RNF130: variants seen among roughly 807,000 people sequenced by gnomAD.
The protein encoded by RNF130 is E3 ubiquitin-protein ligase RNF130.
In RNF130, 21 loss-of-function variants were observed where a neutral mutation model predicts 44.6. That is an observed-to-expected ratio of 0.47 (90% CI 0.33 to 0.68). The LOEUF is 0.68. Ranked by LOEUF, RNF130 falls within the 30% of genes least tolerant of loss-of-function variation. The probability of loss-of-function intolerance (pLI) is 0.02; values close to 1 mark genes in which losing one functional copy is unlikely to be tolerated. For synonymous variants in RNF130, 214 were observed against 210.4 expected (o/e 1.02, Z -0.15); for missense variants, 479 against 560.6 (o/e 0.85, Z 1.47).
At chr5:180,011,322 A>G (rs185957294) in intron 3 of RNF130, among the ~76,000 whole-genome samples, 1 of 152,366 alleles carries the variant, frequency 6.6e-6, no homozygotes, top group South Asian at 2.1e-4. Flanking sequence ...TCAATCAGAT[A>G]ATGTATTATA....
At chr5:180,007,877 C>T (rs921670614) in intron 3 of RNF130, among the ~76,000 whole-genome samples, 4 of 152,302 alleles carry the variant, frequency 2.6e-5, no homozygotes, top group African/African-American at 9.6e-5. Context: ...GTGAGCTACA[C>T]CCAGTCCACT....
In RNF130 at chr5:179,966,862, A is replaced by G. The variant is rs755770509; in HGVS notation, c.1094T>C (p.Leu365Pro). Residue 365 changes from leucine (L) to proline (P), a missense_variant, in exon 7 of 9, where the codon CTT becomes CCT. Around this residue, in one of 3 missense-constraint regions of RNF130, gnomAD observed 161 missense variants for 158.6 expected, o/e 1.02. Transcript: ENST00000521389. ...CGGAGTGAGCTCCCCATCCTGAGGA[A>G]GAGGTGAGATCCCCGAAGTTCGAAG... ...EPLRTSGISP[L>P]PQDGELTPRT... 2 of 1,614,196 alleles carry G rather than the reference A, an allele frequency of 1.2e-6. No homozygotes were observed. The highest frequency in any genetic ancestry group is 1.7e-5 in the Admixed American group (1 of 60,022).
chr5:179,970,833 T>C (rs1762563946), intron 5 of RNF130, among the ~76,000 whole-genome samples: 1 of 152,236 alleles, frequency 6.6e-6, no homozygotes, highest in African/African-American at 2.4e-5. Context: ...AAACCAGTTA[T>C]GCTTTCTACA....
In RNF130 at chr5:180,038,496, A is replaced by C. The variant is rs143268449; in HGVS notation, c.442+1957T>G. Among the ~76,000 whole-genome samples the C allele has an allele frequency of 6.6e-5, 10 of 151,960 alleles. No individual in the cohort carries two copies. In the South Asian group the frequency reaches 1.2e-3, roughly 19 times the overall value. On this transcript the variant is annotated intron_variant, in intron 2 of 8. Transcript: ENST00000521389. ...AGGTGTGAGCCACTGCGACCAGCCA[A>C]AACAGGTTCTTTAAGACTTCTCAGA... is the stretch of plus-strand genomic sequence containing the variant.
Position 180,004,533 on chromosome 5 carries a change from T to A in RNF130, c.693+8528A>T, listed in dbSNP as rs372505749. On this transcript the variant is annotated intron_variant, in intron 3 of 8. Coordinates refer to ENST00000521389, the MANE Select transcript of RNF130 (RefSeq NM_018434.6). Reference sequence around the variant, plus strand: ...AATGCTGAAAAGACTTTCTATAGCATACAGCTTGAGGGGTTTGTTAGGGGC... The same window carrying A: ...AATGCTGAAAAGACTTTCTATAGCAAACAGCTTGAGGGGTTTGTTAGGGGC... Among the ~76,000 whole-genome samples, 5 of 152,226 alleles carry A rather than the reference T, an allele frequency of 3.3e-5. No individual in the cohort carries two copies. In the East Asian group the frequency reaches 7.7e-4, roughly 23 times the overall value.
chr5:180,001,509 T>C (rs1021574389), intron 3 of RNF130, among the ~76,000 whole-genome samples: 4 of 152,166 alleles, frequency 2.6e-5, no homozygotes, highest in African/African-American at 9.7e-5. Context: ...TGTGATTCTA[T>C]CCCTGGGAAT....
intron 3 of RNF130, among the ~76,000 whole-genome samples, chr5:180,007,988 G>GGT (rs1554104227): frequency 3.8e-5 from 5 of 129,890 alleles, no homozygotes; most frequent in Non-Finnish European, 7.9e-5. Context: ...AAATCTTTTA[G>GGT]TTTTTTTTTT....
At chr5:179,927,030 CA>C (rs1761717710) in intron 7 of RNF130, among the ~76,000 whole-genome samples, 1 of 152,148 alleles carries the variant, frequency 6.6e-6, no homozygotes, top group Non-Finnish European at 1.5e-5. Context: ...GGGGTGAGAA[CA>C]GAGGAAAAAC....
intron 7 of RNF130, among the ~76,000 whole-genome samples, chr5:179,929,678 G>A (rs1160060771): frequency 6.6e-6 from 1 of 151,964 alleles, no homozygotes; most frequent in East Asian, 1.9e-4. Context: ...AGCCTGGGAG[G>A]TCAAGGCTGC....
At chr5:180,031,268 C>G (rs1764125097) in intron 2 of RNF130, among the ~76,000 whole-genome samples, 1 of 152,172 alleles carries the variant, frequency 6.6e-6, no homozygotes, top group African/African-American at 2.4e-5. Flanking sequence ...GGGTGGATCA[C>G]CTGAGGTCAG....
At chr5:179,928,718 T>C (rs1263667523) in intron 7 of RNF130, among the ~76,000 whole-genome samples, 7 of 150,626 alleles carry the variant, frequency 4.6e-5, no homozygotes, top group African/African-American at 1.7e-4. Context: ...AAGCCCCGCC[T>C]CCTGGGTTCA....
Position 179,933,872 on chromosome 5 carries a change from C to A in RNF130, c.1151-13446G>T, listed in dbSNP as rs1255172148. On this transcript the variant is annotated intron_variant, in intron 7 of 7. Transcript: ENST00000522208. ...TCTTGCTTCTTCATGGTCCATGTTG[C>A]CAGCTGAGGTTGTTAGTAAAATGAA... The A allele has an allele frequency of 5.2e-6, 4 of 776,156 alleles. No homozygotes were observed. The African/African-American group carries it at 7.0e-5, about 14-fold the overall frequency. The allele number at this position is 776,156 out of a possible 1,614,324, so 48.1% of individuals were successfully genotyped here. A position where few individuals can be genotyped will look rare whatever the true frequency, so the allele number is the denominator to read the frequency against.
intron 8 of RNF130, among the ~76,000 whole-genome samples, chr5:179,961,570 G>C (rs1460332203): frequency 6.6e-6 from 1 of 152,170 alleles, no homozygotes; most frequent in Non-Finnish European, 1.5e-5. Flanking sequence ...GTGGCAGTCA[G>C]GTGACTATTA....
chr5:179,933,398 T>TTGTTTGTGTGTG (rs1554100040), intron 7 of RNF130, among the ~76,000 whole-genome samples: 26 of 143,504 alleles, frequency 1.8e-4, no homozygotes, highest in African/African-American at 6.5e-4. Context: ...ATAACCCTAT[T>TTGTTTGTGTGTG]TGTGTGTGTG....
intron 3 of RNF130, among the ~76,000 whole-genome samples, chr5:180,007,780 G>C (rs913404945): frequency 3.3e-5 from 5 of 152,122 alleles, no homozygotes; most frequent in Non-Finnish European, 7.4e-5. Flanking sequence ...CATCAGCCCC[G>C]GCCCCACACT....
chr5:179,942,428 C>A (rs1192899417), intron 7 of RNF130, among the ~76,000 whole-genome samples: 1 of 152,016 alleles, frequency 6.6e-6, no homozygotes, highest in Non-Finnish European at 1.5e-5. Context: ...AATATATGGT[C>A]CGTATGCTCT....
chr5:180,018,990 TA>T (rs1244662119), intron 2 of RNF130, among the ~76,000 whole-genome samples: 2 of 152,234 alleles, frequency 1.3e-5, no homozygotes, highest in Non-Finnish European at 2.9e-5. Flanking sequence ...GGCTTTACCA[TA>T]AGCATTTTTA....
chr5:180,069,478 C>CA (rs919156378), intron 1 of RNF130, among the ~76,000 whole-genome samples: 14 of 151,208 alleles, frequency 9.3e-5, no homozygotes, highest in African/African-American at 3.2e-4. Flanking sequence ...CCTAGGGAAT[C>CA]AAGGAAAGGG....
chr5:179,998,871 A>ATATG (rs1350613786), intron 3 of RNF130, among the ~76,000 whole-genome samples: 1 of 128,068 alleles, frequency 7.8e-6, no homozygotes, highest in African/African-American at 2.8e-5. Flanking sequence ...ATATATATAT[A>ATATG]TATATATATA....
Sources: allele counts gnomAD v4.1 joint callset (sites outside exome capture counted in the v4.1 genomes callset), GRCh38; gene constraint gnomAD v4.1.1; regional missense constraint gnomAD v4.1.1; transcripts MANE v1.5; gene names NCBI Gene and HGNC (gene_info 2026-07-23, HGNC 2026-07-21).